The following EDNRB variants were observed in gnomAD, a reference collection of about 807,000 sequenced individuals.
EDNRB encodes the protein Hirschsprung disease 2.
Under a neutral mutation model 46.4 loss-of-function variants are expected in EDNRB, and 18 were observed. That is an observed-to-expected ratio of 0.39 (90% confidence interval 0.27 to 0.57). The LOEUF is 0.57. Ranked by LOEUF, EDNRB falls within the 20% of genes least tolerant of loss-of-function variation. The pLI is 0.61. For missense variants in EDNRB, 434 were observed against 537.5 expected (o/e 0.81, Z 1.90); for synonymous variants, 213 against 204.9 (o/e 1.04, Z -0.34).
chr13:77,934,683 G>GC (rs945503289), intron 1 of EDNRB, among the ~76,000 whole-genome samples: 2 of 150,994 alleles, frequency 1.3e-5, no homozygotes, highest in Non-Finnish European at 3.0e-5. Flanking sequence ...TAGGAAAGGG[G>GC]GGGGGGGGCC....
At chr13:77,919,562 C>T, upstream of EDNRB, 1 of 1,612,358 alleles carries the variant, frequency 6.2e-7, no homozygotes, top group Non-Finnish European at 8.5e-7. Context: ...GACAGTGTAG[C>T]CTCCACCGTT....
Position 77,898,337 on chromosome 13 carries a change from G to A in EDNRB, c.1195-3C>T, listed in dbSNP as rs760481004. 3 of 1,611,370 alleles carry A rather than the reference G, an allele frequency of 1.9e-6. No individual in the cohort carries two copies. Among genetic ancestry groups the A allele is most frequent in the African/African-American group, 1.3e-5 (1 of 74,736 alleles). Reference sequence around the variant, plus strand: ...TGGCACCAGCAGCATAAGCATGACTGTACAAAACAAAGTAACTCATTATAT... The same window carrying A: ...TGGCACCAGCAGCATAAGCATGACTATACAAAACAAAGTAACTCATTATAT... On this transcript the variant is annotated splice_polypyrimidine_tract_variant and splice_region_variant and intron_variant, in intron 6 of 6. Transcript: ENST00000646607.
chr13:77,923,301 AT>A (rs1364506324), upstream of EDNRB, among the ~76,000 whole-genome samples: 4 of 151,914 alleles, frequency 2.6e-5, no homozygotes, highest in East Asian at 1.9e-4. Flanking sequence ...TCTTTGACAT[AT>A]TTTTTTTCAC....
At chr13:77,934,800 G>C (rs1880511955) in intron 1 of EDNRB, among the ~76,000 whole-genome samples, 2 of 152,130 alleles carry the variant, frequency 1.3e-5, no homozygotes, top group South Asian at 4.2e-4. Context: ...TAAGAGGCAG[G>C]CTGGTGGCTT....
chr13:77,942,910 A>T (rs565835055), intron 1 of EDNRB, among the ~76,000 whole-genome samples: 1 of 152,256 alleles, frequency 6.6e-6, no homozygotes, highest in South Asian at 2.1e-4. Flanking sequence ...AGTAATGGAT[A>T]ATATTAGTTC....
intron 5 of EDNRB, 44 bp downstream of exon 5, chr13:77,900,477 A>G: frequency 3.7e-6 from 6 of 1,610,394 alleles, no homozygotes; most frequent in Non-Finnish European, 5.1e-6. Context: ...AACACTTCTG[A>G]GTGGCATTTA....
chr13:77,929,751 G>A (rs778538141), intron 1 of EDNRB, among the ~76,000 whole-genome samples: 5 of 152,282 alleles, frequency 3.3e-5, no homozygotes, highest in Admixed American at 2.6e-4. Flanking sequence ...CTTCAGGAAC[G>A]CTGACTCCTG....
intron 1 of EDNRB, among the ~76,000 whole-genome samples, chr13:77,960,162 C>A (rs776806988): frequency 6.6e-6 from 1 of 152,138 alleles, no homozygotes; most frequent in Non-Finnish European, 1.5e-5. Context: ...GGCAGGCCAA[C>A]ATTCAAATTC....
chr13:77,934,679 A>AGCGGG (rs1491466524), intron 1 of EDNRB, among the ~76,000 whole-genome samples: 3 of 127,568 alleles, frequency 2.4e-5, no homozygotes, highest in African/African-American at 8.4e-5. Context: ...TGTGTAGGAA[A>AGCGGG]GGGGGGGGGG....
intron 1 of EDNRB, among the ~76,000 whole-genome samples, chr13:77,952,008 T>C (rs1881106784): frequency 6.6e-6 from 1 of 152,184 alleles, no homozygotes; most frequent in Admixed American, 6.5e-5. Context: ...AATTAGCCTT[T>C]GGGTCGGGGG....
chr13:77,939,152 GT>G (rs1352778637), intron 1 of EDNRB: 2 of 152,184 alleles, frequency 1.3e-5, no homozygotes, highest in Non-Finnish European at 2.9e-5. Context: ...TCAAAGGGGG[GT>G]TGTCCTCTGG....
At chr13:77,907,784 A>G (rs1429022919) in intron 1 of EDNRB, among the ~76,000 whole-genome samples, 1 of 151,946 alleles carries the variant, frequency 6.6e-6, no homozygotes, top group African/African-American at 2.4e-5. Context: ...CACTGAATCC[A>G]GGCCATGTTT....
At chr13:77,907,258 C>G (rs112363649) in intron 1 of EDNRB, among the ~76,000 whole-genome samples, 1,642 of 151,960 alleles carry the variant, frequency 0.011, 22 homozygotes, top group African/African-American at 0.028. Flanking sequence ...AGGTGGGTGG[C>G]CATTATCCAA....
rs538237989 is a variant in EDNRB, at chr13:77,918,431, G to A, written c.143C>T (p.Pro48Leu). Reference sequence around the variant, plus strand: ...CTTGGGCCATAAGGTCTTAGTGGGTGGCGTCATTATCTCTGCGGTTTGCAA... The same window carrying A: ...CTTGGGCCATAAGGTCTTAGTGGGTAGCGTCATTATCTCTGCGGTTTGCAA... Reference protein sequence around the residue: ...PLLQTAEIMTPPTKTLWPKGS... With the variant: ...PLLQTAEIMTLPTKTLWPKGS... Residue 48 changes from proline to leucine, a missense_variant, in exon 1 of 7, where the codon CCA becomes CTA. Pro to Leu is a moderately conservative substitution (Grantham distance 98, BLOSUM62 -3). Transcript: ENST00000646607. The surrounding 1 kb of genome is among the most constrained non-coding windows in gnomAD (Gnocchi z 4.5). 8 of 1,573,896 alleles carry A rather than the reference G, an allele frequency of 5.1e-6. No individual in the cohort carries two copies. Among genetic ancestry groups the A allele is most frequent in the South Asian group, 2.4e-5 (2 of 83,904 alleles).
In EDNRB at chr13:77,969,723, A is replaced by G. The variant is rs146472073; in HGVS notation, c.-52+5624T>C. 9.7e-4 allele frequency among the ~76,000 whole-genome samples: 147 copies of G among 152,322 alleles called. 1 individual carries two copies. Among genetic ancestry groups the G allele is most frequent in the African/African-American group, 3.4e-3 (141 of 41,586 alleles). ...TTTATTCAGTAGGGATAATGTGCTTATGACTGGGAACAGCCATTCTGTATT... is the reference window on the plus strand; with the variant it reads ...TTTATTCAGTAGGGATAATGTGCTTGTGACTGGGAACAGCCATTCTGTATT... On this transcript the variant is annotated intron_variant, in intron 1 of 7. Coordinates refer to the EDNRB transcript ENST00000646948.
intron 1 of EDNRB, among the ~76,000 whole-genome samples, chr13:77,938,371 TG>T (rs1880630983): frequency 1.4e-5 from 2 of 145,902 alleles, no homozygotes; most frequent in African/African-American, 2.6e-5. Context: ...AATTAGGGAT[TG>T]GGGGGTTCTT....
chr13:77,974,292 T>C (rs765298436), intron 1 of EDNRB, among the ~76,000 whole-genome samples: 1 of 152,164 alleles, frequency 6.6e-6, no homozygotes, highest in Non-Finnish European at 1.5e-5. Flanking sequence ...CACAATGAGG[T>C]TTCCTCTAAA....
Position 77,897,287 on chromosome 13 carries a change from G to A in EDNRB, c.*913C>T. The A allele has an allele frequency of 7.1e-6, 7 of 985,216 alleles. No homozygotes were observed. Among genetic ancestry groups the A allele is most frequent in the Non-Finnish European group, 8.4e-6 (7 of 829,868 alleles). 61.0% of individuals were successfully genotyped at this position (985,216 alleles called of 1,614,324 possible). ...TTTACAGATGACAAAACCAAACAGA[G>A]TTTAAGCTACGATAGTGAAAGAAGA... On this transcript the variant is annotated 3_prime_UTR_variant, in exon 7 of 7. Transcript: ENST00000646607.
At chr13:77,899,790 T>G in intron 6 of EDNRB, 69 bp downstream of exon 6, 3 of 1,133,480 alleles carry the variant, frequency 2.6e-6, no homozygotes, top group South Asian at 2.5e-5. Context: ...GATAGATATA[T>G]TAGCAGTTTT....
Sources: gnomAD v4.1 joint callset for allele counts (sites outside exome capture counted in the v4.1 genomes callset) on GRCh38, gnomAD v4.1.1 for gene constraint, Gnocchi (gnomAD v3.1) non-coding constraint, MANE v1.5 for transcripts, NCBI Gene and HGNC (gene_info 2026-07-23, HGNC 2026-07-21) for gene names.